EYS: variants seen among roughly 807,000 people sequenced by gnomAD.
EYS encodes the protein EGF-like photoreceptor maintenance factor.
In EYS, 250 loss-of-function variants were observed where a neutral mutation model predicts 282.1. That is an observed-to-expected ratio of 0.89 (90% CI 0.80 to 0.98). The LOEUF (loss-of-function observed/expected upper bound fraction) is 0.98. Among genes scored for constraint, EYS ranks in the 50% least tolerant of loss-of-function variants. EYS has a pLI of 0.00. For missense variants in EYS, 4,016 were observed against 3,709.0 expected (o/e 1.08, Z -2.15); for synonymous variants, 1,355 against 1,282.9 (o/e 1.06, Z -1.20).
intron 33 of EYS, among the ~76,000 whole-genome samples, chr6:64,054,864 A>AT (rs1334055836): frequency 6.6e-6 from 1 of 152,218 alleles, no homozygotes; most frequent in Admixed American, 6.5e-5. Flanking sequence ...ATAAATATGT[A>AT]TTACATAGCT....
chr6:65,334,097 T>C (rs1394491345), intron 11 of EYS, among the ~76,000 whole-genome samples: 2 of 151,766 alleles, frequency 1.3e-5, no homozygotes, highest in Non-Finnish European at 2.9e-5. Flanking sequence ...ATTTCTGAAA[T>C]CACTTTATTT....
At chr6:64,200,150 G>A (rs1352936786) in intron 31 of EYS, among the ~76,000 whole-genome samples, 1 of 152,162 alleles carries the variant, frequency 6.6e-6, no homozygotes, top group Non-Finnish European at 1.5e-5. Flanking sequence ...CAGTAAAAGA[G>A]ACCAGTGGTT....
intron 5 of EYS, among the ~76,000 whole-genome samples, chr6:65,466,062 G>T (rs1582332581): frequency 6.6e-6 from 1 of 151,954 alleles, no homozygotes; most frequent in East Asian, 1.9e-4. Context: ...ATGGGACAGA[G>T]AATTAGAAAA....
chr6:64,149,864 C>A (rs79551365), intron 31 of EYS, among the ~76,000 whole-genome samples: 6 of 152,148 alleles, frequency 3.9e-5, no homozygotes, highest in Non-Finnish European at 8.8e-5. Flanking sequence ...GATGTTAACA[C>A]GCCTTCATTT....
intron 16 of EYS, among the ~76,000 whole-genome samples, chr6:64,908,856 G>C (rs1490959235): frequency 1.3e-5 from 2 of 152,060 alleles, no homozygotes; most frequent in Non-Finnish European, 2.9e-5. Context: ...GAAAGGGCAG[G>C]TATATGTAAA....
At chr6:64,032,961 C>G (rs1562164513) in intron 33 of EYS, among the ~76,000 whole-genome samples, 1 of 152,150 alleles carries the variant, frequency 6.6e-6, no homozygotes, top group Non-Finnish European at 1.5e-5. Flanking sequence ...CACTCCCCAG[C>G]CACTCTCTCC....
intron 22 of EYS, among the ~76,000 whole-genome samples, chr6:64,811,901 C>A (rs1258570031): frequency 6.6e-6 from 1 of 152,084 alleles, no homozygotes; most frequent in Non-Finnish European, 1.5e-5. Flanking sequence ...CTTGATTTAA[C>A]AAATACTAAC....
At chr6:64,959,595 T>C (rs1769845804) in intron 14 of EYS, among the ~76,000 whole-genome samples, 1 of 152,202 alleles carries the variant, frequency 6.6e-6, no homozygotes, top group Non-Finnish European at 1.5e-5. Flanking sequence ...TGTAGGCTAT[T>C]GAACATCTTA....
intron 22 of EYS, among the ~76,000 whole-genome samples, chr6:64,681,882 CAT>C (rs1769910898): frequency 6.6e-6 from 1 of 152,182 alleles, no homozygotes; most frequent in Non-Finnish European, 1.5e-5. Flanking sequence ...TGTTACACCA[CAT>C]GTCTTACATC....
chr6:65,227,469 C>T (rs984987162), intron 12 of EYS, among the ~76,000 whole-genome samples: 11 of 152,098 alleles, frequency 7.2e-5, no homozygotes, highest in South Asian at 4.1e-4. Context: ...AAGTATAAAA[C>T]GATAAAGCCA....
rs544400961 is a variant in EYS at position 65,088,095 on chromosome 6, C to T, written c.2024-30368G>A. On this transcript the variant is annotated intron_variant, in intron 12 of 42. Transcript: ENST00000503581. Reference sequence around the variant, plus strand: ...ATTTTAGTGAGTTTCCTGAGGTCTCCTACTAATCTGGAGCTGTGAGTCAAT... The same window carrying T: ...ATTTTAGTGAGTTTCCTGAGGTCTCTTACTAATCTGGAGCTGTGAGTCAAT... Among the ~76,000 whole-genome samples, 3 of 152,268 alleles carry T rather than the reference C, an allele frequency of 2.0e-5. No homozygotes were observed. In the South Asian group the frequency reaches 6.2e-4, roughly 32 times the overall value.
At chr6:63,803,011 T>C (rs1267478963) in intron 37 of EYS, among the ~76,000 whole-genome samples, 1 of 152,202 alleles carries the variant, frequency 6.6e-6, no homozygotes, top group African/African-American at 2.4e-5. Context: ...TTTCACAATT[T>C]AGAAATGAGG....
chr6:64,698,831 C>T (rs956535174), intron 22 of EYS, among the ~76,000 whole-genome samples: 9 of 152,116 alleles, frequency 5.9e-5, no homozygotes, highest in African/African-American at 2.2e-4. Context: ...AAATAACATG[C>T]TGGCAAGGTT....
At chr6:64,883,882 GATAA>G in intron 19 of EYS, among the ~76,000 whole-genome samples, 1 of 151,432 alleles carries the variant, frequency 6.6e-6, no homozygotes, top group East Asian at 1.9e-4. Flanking sequence ...AAATACTCTA[GATAA>G]ATTAATTATA....
chr6:64,433,629 T>C (rs1774642600), intron 28 of EYS, among the ~76,000 whole-genome samples: 2 of 151,988 alleles, frequency 1.3e-5, no homozygotes, highest in Admixed American at 1.3e-4. Flanking sequence ...AGCAATGGTG[T>C]ATGTAAATTG....
At position 64,251,005 on chromosome 6, in the gene EYS, T is replaced by TA. The variant is rs1436828206; in HGVS notation, c.6192-20182dup. Among the ~76,000 whole-genome samples, 5 of 152,108 alleles carry TA rather than the reference T, an allele frequency of 3.3e-5. No homozygotes were observed. The South Asian group carries it at 1.0e-3, about 31-fold the overall frequency. On this transcript the variant is annotated intron_variant, in intron 30 of 42. Transcript: ENST00000503581. ...AGGCTCTGAGGGAAAGGACAGTTCA[T>TA]AGATTAAAGCAACACTCTTTATCTC...
intron 30 of EYS, among the ~76,000 whole-genome samples, chr6:64,267,884 G>T (rs111411185): frequency 6.6e-6 from 1 of 152,036 alleles, no homozygotes; most frequent in South Asian, 2.1e-4. Context: ...AATGATTATG[G>T]TGAGGTTTTA....
At chr6:65,115,719 C>CAT (rs1302768139) in intron 12 of EYS, among the ~76,000 whole-genome samples, 1 of 152,060 alleles carries the variant, frequency 6.6e-6, no homozygotes, top group Admixed American at 6.6e-5. Context: ...CTGTGGCAGA[C>CAT]ATATCACTAT....
chr6:64,064,245 G>GGCTT (rs1175163557), intron 33 of EYS, among the ~76,000 whole-genome samples: 6 of 150,760 alleles, frequency 4.0e-5, no homozygotes, highest in African/African-American at 1.5e-4. Flanking sequence ...TTTCTGTTTT[G>GGCTT]GCTTACCATT....
Sources: allele counts gnomAD v4.1 joint callset (sites outside exome capture counted in the v4.1 genomes callset), GRCh38; gene constraint gnomAD v4.1.1; transcripts MANE v1.5; gene names NCBI Gene and HGNC (gene_info 2026-07-23, HGNC 2026-07-21).